Variants in MED12L observed in about 807,000 individuals in gnomAD.
MED12L encodes mediator complex subunit 12L, also known as mediator of RNA polymerase II transcription subunit 12-like protein.
MED12L carries 60 observed loss-of-function variants against 281.3 expected under a neutral mutation model. That is an observed-to-expected ratio of 0.21 (90% confidence interval 0.17 to 0.26). MED12L has a LOEUF of 0.26. Among genes scored for constraint, MED12L ranks in the 10% least tolerant of loss-of-function variants. The pLI, the probability that MED12L is intolerant of heterozygous loss-of-function variation, is 1.00. For missense variants in MED12L, 2,146 were observed against 2,680.9 expected, an observed-to-expected ratio of 0.80 and a Z score of 4.41; for synonymous variants, 974 against 987.2, an observed-to-expected ratio of 0.99 and a Z score of 0.25.
chr3:151,293,665 A>T (rs1461416329), intron 16 of MED12L, among the ~76,000 whole-genome samples: 1 of 145,692 alleles, frequency 6.9e-6, no homozygotes, highest in African/African-American at 2.6e-5. Context: ...ACACACACAC[A>T]CACACACACA....
chr3:151,190,124 A>C (rs1331912031), intron 13 of MED12L, among the ~76,000 whole-genome samples: 1 of 151,934 alleles, frequency 6.6e-6, no homozygotes, highest in Non-Finnish European at 1.5e-5. Flanking sequence ...TCTGATCCTG[A>C]AATTTTGCTT....
chr3:151,327,910 T>C, intron 16 of MED12L: 2 of 1,033,552 alleles, frequency 1.9e-6, no homozygotes, highest in Non-Finnish European at 2.8e-6. Flanking sequence ...TGTTCCAATC[T>C]TTTTTTCTTG....
intron 25 of MED12L, among the ~76,000 whole-genome samples, chr3:151,368,624 TATTTTATTTC>T (rs372070221): frequency 0.066 from 5,603 of 84,354 alleles, 200 homozygotes; most frequent in Admixed American, 0.1. Context: ...TATTTTATTT[TATTTTATTTC>T]ATTTCATTTC....
chr3:151,328,002 T>G (rs1232197525), intron 16 of MED12L: 2 of 1,569,896 alleles, frequency 1.3e-6, no homozygotes, highest in African/African-American at 2.7e-5. Context: ...CAGCCTAAGG[T>G]TATGTTGTCT....
chr3:151,338,916 T>C (rs1751419787), intron 16 of MED12L: 1 of 1,501,834 alleles, frequency 6.7e-7, no homozygotes, highest in South Asian at 1.2e-5. Context: ...TTATTGCTGT[T>C]ATCTCTGTGT....
chr3:151,264,390 A>G (rs1373970627), intron 16 of MED12L, among the ~76,000 whole-genome samples: 3 of 152,184 alleles, frequency 2.0e-5, no homozygotes, highest in Admixed American at 1.3e-4. Flanking sequence ...GGGCAGTAGG[A>G]GTGTATTTTG....
rs1719715193 is a variant in MED12L at position 151,433,137 on chromosome 3, T to C, written c.*333T>C. On this transcript the variant is annotated 3_prime_UTR_variant, in exon 45 of 45. Coordinates refer to ENST00000687756, the MANE Select transcript of MED12L (RefSeq NM_001393769.1). ...TCTAGAAAGAATGGATTATGATGGA[T>C]CTAAGGTATTTATGTATTTCATTCA... 4.7e-6 allele frequency: 1 copy of C among 213,754 alleles called. No homozygotes were observed. The highest frequency in any genetic ancestry group is 1.1e-4 in the South Asian group (1 of 9,164). 13.2% of individuals were successfully genotyped at this position (213,754 alleles called of 1,614,324 possible).
intron 16 of MED12L, among the ~76,000 whole-genome samples, chr3:151,194,227 A>T (rs1370924042): frequency 6.6e-6 from 1 of 152,242 alleles, no homozygotes; most frequent in African/African-American, 2.4e-5. Flanking sequence ...TAGGCCTCTC[A>T]GAGTGCTGGG....
chr3:151,155,475 G>A (rs535968082), intron 5 of MED12L, among the ~76,000 whole-genome samples: 2 of 152,172 alleles, frequency 1.3e-5, no homozygotes, highest in Non-Finnish European at 2.9e-5. Flanking sequence ...CCCTCCCTGA[G>A]TTTTGAGACA....
At chr3:151,346,853 T>C (rs1752609367) in intron 16 of MED12L, among the ~76,000 whole-genome samples, 1 of 152,148 alleles carries the variant, frequency 6.6e-6, no homozygotes, top group Admixed American at 6.5e-5. Flanking sequence ...TACACATTTC[T>C]ACCTACCCTT....
At chr3:151,357,443 T>A in intron 20 of MED12L, 67 bp downstream of exon 20, 2 of 1,395,614 alleles carry the variant, frequency 1.4e-6, no homozygotes, top group Non-Finnish European at 1.9e-6. Flanking sequence ...TGAAATATTA[T>A]AGTGGCTTTA....
intron 16 of MED12L, among the ~76,000 whole-genome samples, chr3:151,237,350 C>CT (rs57239604): frequency 0.27 from 25,223 of 93,846 alleles, 4,074 homozygotes; most frequent in Non-Finnish European, 0.31. Context: ...TTTTTTTTTT[C>CT]TTTTTTTTTT....
At chr3:151,192,134 T>C (rs1724072394) in intron 14 of MED12L, among the ~76,000 whole-genome samples, 1 of 152,208 alleles carries the variant, frequency 6.6e-6, no homozygotes, top group African/African-American at 2.4e-5. Context: ...AAACTGAAGT[T>C]CCTTTACCTG....
intron 5 of MED12L, among the ~76,000 whole-genome samples, chr3:151,146,069 T>G (rs1244165596): frequency 6.6e-6 from 1 of 152,192 alleles, no homozygotes; most frequent in African/African-American, 2.4e-5. Context: ...CTCCATAGCT[T>G]GCCACTGCCT....
rs530380299 is a variant in MED12L, at chr3:151,287,869, A to G, written c.2251-62190A>G. Among the ~76,000 whole-genome samples the G allele has an allele frequency of 3.9e-5, 6 of 152,362 alleles. No homozygotes were observed. In the East Asian group the frequency reaches 1.2e-3, roughly 29 times the overall value. On this transcript the variant is annotated intron_variant, in intron 16 of 44. Transcript: ENST00000687756. ...TAGCATTTGTACAAAACTTCAAAGC[A>G]GTCATCTATTGAAGCTTTTTAATAA...
chr3:151,339,242 G>T (rs1428474763), intron 16 of MED12L, among the ~76,000 whole-genome samples: 1 of 151,706 alleles, frequency 6.6e-6, no homozygotes, highest in Non-Finnish European at 1.5e-5. Flanking sequence ...TTAGCTTTTT[G>T]GTTTCTATTC....
intron 16 of MED12L, among the ~76,000 whole-genome samples, chr3:151,339,376 A>G (rs1300022765): frequency 1.3e-5 from 2 of 152,050 alleles, no homozygotes; most frequent in African/African-American, 4.8e-5. Flanking sequence ...AAAAGGGGGA[A>G]GAAATTGATG....
In MED12L at chr3:151,378,018, C is replaced by G. The variant is rs541572659; in HGVS notation, c.4323C>G (p.Ser1441=). 6.3e-7 allele frequency: 1 copy of G among 1,597,174 alleles called. No individual in the cohort carries two copies. The highest frequency in any genetic ancestry group is 1.1e-5 in the South Asian group (1 of 89,184). Residue 1441 remains serine (S), a synonymous_variant, in exon 31 of 45, where the codon TCC becomes TCG. Transcript: ENST00000687756. ...QNGIKTFLSS[S]ERRGVWLVAP... The stretch of plus-strand genomic sequence containing the variant: ...CACCTGTTTCTGATTTTAGTTCCTC[C>G]GAACGCAGGGGTGTATGGTTGGTGG...
At chr3:151,093,463 T>C (rs925444261) in intron 2 of MED12L, among the ~76,000 whole-genome samples, 1 of 152,236 alleles carries the variant, frequency 6.6e-6, no homozygotes, top group African/African-American at 2.4e-5. Context: ...TCCTTATCTG[T>C]AGAGAGCATT....
Sources: gnomAD v4.1 joint callset for allele counts (sites outside exome capture counted in the v4.1 genomes callset) on GRCh38, gnomAD v4.1.1 for gene constraint, MANE v1.5 for transcripts, NCBI Gene and HGNC (gene_info 2026-07-23, HGNC 2026-07-21) for gene names.